Variants in MVB12B observed in about 807,000 individuals in gnomAD.
The protein encoded by MVB12B is multivesicular body subunit 12B, also known as ESCRT-I complex subunit MVB12B.
In MVB12B, 16 loss-of-function variants were observed where a neutral mutation model predicts 41.6. The ratio of observed to expected loss-of-function variants is 0.38; its 90% CI spans 0.26 to 0.58. The LOEUF (loss-of-function observed/expected upper bound fraction) is 0.58. Ranked by LOEUF, MVB12B falls within the 20% of genes least tolerant of loss-of-function variation. MVB12B has a pLI of 0.62. For synonymous variants in MVB12B, 133 were observed against 139.7 expected (o/e 0.95, Z 0.34); for missense variants, 274 against 380.2 (o/e 0.72, Z 2.32).
intron 6 of MVB12B, among the ~76,000 whole-genome samples, chr9:126,417,898 G>A (rs1480516683): frequency 2.0e-5 from 3 of 152,224 alleles, no homozygotes; most frequent in East Asian, 1.9e-4. Context: ...TTGGAGAGTC[G>A]GTAAGGAAGA....
chr9:126,336,045 C>T (rs984797780), intron 1 of MVB12B, among the ~76,000 whole-genome samples: 6 of 152,254 alleles, frequency 3.9e-5, no homozygotes, highest in African/African-American at 1.2e-4. Flanking sequence ...GAGGCTGGAA[C>T]GTGGGCCCAC....
chr9:126,357,506 A>G (rs890799952), intron 2 of MVB12B, among the ~76,000 whole-genome samples: 1 of 152,168 alleles, frequency 6.6e-6, no homozygotes, highest in Non-Finnish European at 1.5e-5. Context: ...ATCCTTGCCA[A>G]CACTTGAGAT....
intron 6 of MVB12B, among the ~76,000 whole-genome samples, chr9:126,403,494 TC>T (rs776855530): frequency 6.6e-6 from 1 of 152,214 alleles, no homozygotes; most frequent in South Asian, 2.1e-4. Flanking sequence ...ATCTCACAGT[TC>T]CCTGTCATTG....
intron 7 of MVB12B, among the ~76,000 whole-genome samples, chr9:126,464,417 C>A (rs1326017094): frequency 6.6e-6 from 1 of 151,976 alleles, no homozygotes; most frequent in Non-Finnish European, 1.5e-5. Flanking sequence ...GAGAGAGCAG[C>A]TAGGGAACAA....
In MVB12B at chr9:126,486,633, C is replaced by T. The variant is rs1003097379; in HGVS notation, c.873+2601C>T. On this transcript the variant is annotated intron_variant, in intron 9 of 9. Coordinates refer to ENST00000361171, the MANE Select transcript of MVB12B (RefSeq NM_033446.3). The surrounding 1 kb of genome is among the most constrained non-coding windows in gnomAD (Gnocchi z 4.7). ...CTGCCTGTGGGCCTAATGGTGGCAC[C>T]GTTTAAGCACCTGCTGTGTGCTCAG... 1.3e-5 allele frequency among the ~76,000 whole-genome samples: 2 copies of T among 152,216 alleles called. No homozygotes were observed. The highest frequency in any genetic ancestry group is 2.4e-5 in the African/African-American group (1 of 41,444).
chr9:126,480,235 C>T lies in MVB12B; in HGVS notation c.758-1134C>T, dbSNP rs1369992257. ...CGCGTCCCTGCACTCATGACCAGGC[C>T]CCTAACAACTGCGGCTGCATGTTCC... is the stretch of plus-strand genomic sequence containing the variant. On this transcript the variant is annotated intron_variant, in intron 7 of 9. Transcript: ENST00000361171. The surrounding 1 kb of genome is among the most constrained non-coding windows in gnomAD (Gnocchi z 4.9). 2.6e-5 allele frequency among the ~76,000 whole-genome samples: 4 copies of T among 152,214 alleles called. No homozygotes were observed. The highest frequency in any genetic ancestry group is 7.2e-5 in the African/African-American group (3 of 41,448).
chr9:126,408,831 C>T (rs555779391), intron 6 of MVB12B, among the ~76,000 whole-genome samples: 73 of 152,268 alleles, frequency 4.8e-4, no homozygotes, highest in African/African-American at 1.5e-3. Context: ...CATTAAGGAA[C>T]GTAATCACCA....
chr9:126,351,829 T>G (rs1263169646), intron 2 of MVB12B, among the ~76,000 whole-genome samples: 1 of 152,154 alleles, frequency 6.6e-6, no homozygotes, highest in Non-Finnish European at 1.5e-5. Context: ...TGAAGGTGTT[T>G]TGGTAGGTAC....
chr9:126,389,188 C>G lies in MVB12B; in HGVS notation c.409+2530C>G, dbSNP rs140722339. ...GGGCCCAATGCCAGGTGCCTTGTCACACAGGAGGGTGGGCAGCAGGGGGTC... is the reference window on the plus strand; with the variant it reads ...GGGCCCAATGCCAGGTGCCTTGTCAGACAGGAGGGTGGGCAGCAGGGGGTC... On this transcript the variant is annotated intron_variant, in intron 4 of 9. Coordinates refer to ENST00000361171, the MANE Select transcript of MVB12B (RefSeq NM_033446.3). This position sits in a 1 kb window ranked among gnomAD's most constrained non-coding sequence, Gnocchi z 4.4. 3.2e-3 allele frequency among the ~76,000 whole-genome samples: 482 copies of G among 152,298 alleles called. 2 individuals carry two copies. Among genetic ancestry groups the G allele is most frequent in the African/African-American group, 0.011 (455 of 41,560 alleles).
rs112254459 is a variant in MVB12B, at chr9:126,407,657, G to A, written c.662+11960G>A. 1.1e-4 allele frequency among the ~76,000 whole-genome samples: 16 copies of A among 151,860 alleles called. 1 individual carries two copies. Among genetic ancestry groups the A allele is most frequent in the South Asian group, 2.1e-4 (1 of 4,792 alleles). ...CGCCCTCACAACCCAGTTCTTCCCC[G>A]TCTGCCTTTAATCACCGCGAGGGGG... On this transcript the variant is annotated intron_variant, in intron 6 of 9. Coordinates refer to ENST00000361171, the MANE Select transcript of MVB12B (RefSeq NM_033446.3).
intron 8 of MVB12B, 41 bp downstream of exon 8, chr9:126,481,465 C>T (rs770040025): frequency 1.9e-5 from 28 of 1,466,134 alleles, no homozygotes; most frequent in Non-Finnish European, 2.7e-5. Flanking sequence ...CTGCCACCCC[C>T]CAGCCTGAGG....
At chr9:126,472,326 G>A (rs1055675136) in intron 7 of MVB12B, among the ~76,000 whole-genome samples, 3 of 151,948 alleles carry the variant, frequency 2.0e-5, no homozygotes, top group South Asian at 2.1e-4. Flanking sequence ...ATCCCATCTC[G>A]TTGCCAGGCA....
chr9:126,503,071 A>G lies in MVB12B; in HGVS notation c.874-106A>G, dbSNP rs1833993402. ...CAGCTGCGCCATGTCAAGATGCCCCACGAGGCGGCCCAGGCCTCTGCCTGA... is the reference window on the plus strand; with the variant it reads ...CAGCTGCGCCATGTCAAGATGCCCCGCGAGGCGGCCCAGGCCTCTGCCTGA... On this transcript the variant is annotated intron_variant, in intron 9 of 9. Transcript: ENST00000361171. 4.9e-6 allele frequency: 5 copies of G among 1,019,332 alleles called. No homozygotes were observed. The Admixed American group carries it at 1.0e-4, about 20-fold the overall frequency. The allele number at this position is 1,019,332 out of a possible 1,614,324, so 63.1% of individuals were successfully genotyped here. A position where few individuals can be genotyped will look rare whatever the true frequency, so the allele number is the denominator to read the frequency against.
chr9:126,499,869 C>G (rs999741582), intron 9 of MVB12B, among the ~76,000 whole-genome samples: 1 of 152,046 alleles, frequency 6.6e-6, no homozygotes, highest in Admixed American at 6.5e-5. Context: ...TCCCCCAGCC[C>G]GCGGGCCGGG....
In MVB12B at chr9:126,383,064, A is replaced by T. The variant is rs372835043; in HGVS notation, c.312+1893A>T. 1.4e-3 allele frequency among the ~76,000 whole-genome samples: 217 copies of T among 152,268 alleles called. 1 individual carries two copies. The highest frequency in any genetic ancestry group is 5.1e-3 in the African/African-American group (212 of 41,538). ...AAGAATGAATGGATCCAATAGTGCG[A>T]TCCAAACGATCGAGTACCAGCAGTT... On this transcript the variant is annotated intron_variant, in intron 3 of 9. Transcript: ENST00000361171.
intron 6 of MVB12B, chr9:126,396,957 C>T: frequency 1.0e-6 from 1 of 985,586 alleles, no homozygotes; most frequent in Non-Finnish European, 1.2e-6. Context: ...GTCAGCTCCG[C>T]CCTGGAGGGC....
intron 1 of MVB12B, among the ~76,000 whole-genome samples, chr9:126,336,395 G>T (rs1829275455): frequency 6.6e-6 from 1 of 152,238 alleles, no homozygotes; most frequent in Non-Finnish European, 1.5e-5. Context: ...CAGCACTGCT[G>T]ACTTTCAGGG....
At chr9:126,329,978 G>A (rs1327990965) in intron 1 of MVB12B, among the ~76,000 whole-genome samples, 1 of 145,428 alleles carries the variant, frequency 6.9e-6, no homozygotes, top group South Asian at 2.2e-4. Context: ...CTAGGGAATC[G>A]TGGCTTCCCT....
At position 126,481,435 on chromosome 9, in the gene MVB12B, T is replaced by C; in HGVS notation, c.813+11T>C. ...TGTGTTCCAGAAAGTGTAAGTTTTA[T>C]GCATGATCGCCCTTCCCCTCTGCCA... On this transcript the variant is annotated intron_variant, in intron 8 of 9. Transcript: ENST00000361171. 1 of 1,609,606 alleles carries C rather than the reference T, an allele frequency of 6.2e-7. No homozygotes were observed. The highest frequency in any genetic ancestry group is 8.5e-7 in the Non-Finnish European group (1 of 1,175,850).
Sources: gnomAD v4.1 joint callset for allele counts (sites outside exome capture counted in the v4.1 genomes callset) on GRCh38, gnomAD v4.1.1 for gene constraint, Gnocchi (gnomAD v3.1) non-coding constraint, MANE v1.5 for transcripts, NCBI Gene and HGNC (gene_info 2026-07-23, HGNC 2026-07-21) for gene names.